CDH13: variants seen among roughly 807,000 people sequenced by gnomAD.
CDH13 encodes cadherin 13.
A neutral mutation model predicts 63.8 loss-of-function variants in CDH13; 24 were observed. The ratio of observed to expected loss-of-function variants is 0.38; its 90% CI spans 0.27 to 0.53. The LOEUF is 0.53. Ranked by LOEUF, CDH13 falls within the 20% of genes least tolerant of loss-of-function variation. CDH13 has a pLI of 0.85. For missense variants in CDH13, 1,049 were observed against 903.1 expected (o/e 1.16, Z -2.07); for synonymous variants, 503 against 355.3 (o/e 1.42, Z -4.67).
intron 2 of CDH13, among the ~76,000 whole-genome samples, chr16:82,929,518 A>G (rs1452169667): frequency 4.6e-5 from 7 of 151,242 alleles, no homozygotes; most frequent in Non-Finnish European, 1.0e-4. Flanking sequence ...TGGGCATGGT[A>G]GTGGGCGCCT....
intron 11 of CDH13, among the ~76,000 whole-genome samples, chr16:83,775,061 G>C (rs1242220769): frequency 6.6e-6 from 1 of 151,872 alleles, no homozygotes; most frequent in Admixed American, 6.7e-5. Flanking sequence ...GTTAAAATGA[G>C]AGCCTGTAAG....
intron 6 of CDH13, among the ~76,000 whole-genome samples, chr16:83,375,081 A>T (rs1415025924): frequency 1.3e-5 from 2 of 152,178 alleles, no homozygotes; most frequent in Non-Finnish European, 2.9e-5. Context: ...AAGTTTCTTT[A>T]ATTCTGTCTG....
At chr16:82,867,481 C>G (rs1019497828) in intron 2 of CDH13, among the ~76,000 whole-genome samples, 2 of 152,152 alleles carry the variant, frequency 1.3e-5, no homozygotes, top group Non-Finnish European at 2.9e-5. Flanking sequence ...TTGTCCATGA[C>G]CCTTAACTCT....
intron 2 of CDH13, among the ~76,000 whole-genome samples, chr16:83,019,091 T>G (rs1369863933): frequency 1.3e-5 from 2 of 152,088 alleles, no homozygotes; most frequent in Non-Finnish European, 2.9e-5. Flanking sequence ...CAATCATAAA[T>G]TAACTTTAGC....
intron 4 of CDH13, among the ~76,000 whole-genome samples, chr16:83,156,732 A>C (rs1426928004): frequency 6.6e-6 from 1 of 151,678 alleles, no homozygotes; most frequent in Non-Finnish European, 1.5e-5. Context: ...TTGCTGAAGG[A>C]CCCTCCCCCA....
rs988868165 is a variant in CDH13, at chr16:82,778,826, C to T, written c.46-79536C>T. On this transcript the variant is annotated intron_variant, in intron 1 of 13. Transcript: ENST00000567109. ...CATGGCAAAGACCACCACCTCCTTC[C>T]TTAATTCCATGGTGGATTTAAAATG... Among the ~76,000 whole-genome samples, 3 of 152,186 alleles carry T rather than the reference C, an allele frequency of 2.0e-5. No individual in the cohort carries two copies. The East Asian group carries it at 5.8e-4, about 29-fold the overall frequency.
intron 3 of CDH13, among the ~76,000 whole-genome samples, chr16:83,115,504 C>A (rs2035249962): frequency 6.6e-6 from 1 of 152,208 alleles, no homozygotes; most frequent in Admixed American, 6.5e-5. Flanking sequence ...GAATAACCCT[C>A]AGGTCCTTGA....
chr16:82,725,645 T>A (rs1296069786), intron 1 of CDH13, among the ~76,000 whole-genome samples: 1 of 152,210 alleles, frequency 6.6e-6, no homozygotes, highest in African/African-American at 2.4e-5. Context: ...TCAACTTTAC[T>A]TGGTGGCTTT....
At chr16:83,339,811 C>A (rs1339402070) in intron 5 of CDH13, among the ~76,000 whole-genome samples, 2 of 152,180 alleles carry the variant, frequency 1.3e-5, no homozygotes, top group African/African-American at 4.8e-5. Context: ...GAGCAGGAAA[C>A]CACTAGCACT....
intron 4 of CDH13, among the ~76,000 whole-genome samples, chr16:83,205,930 G>T (rs1468853287): frequency 6.6e-6 from 1 of 152,098 alleles, no homozygotes; most frequent in Non-Finnish European, 1.5e-5. Context: ...TCAAAATCAT[G>T]AGAGAGAAAC....
chr16:82,713,465 C>T (rs1473263799), intron 1 of CDH13, among the ~76,000 whole-genome samples: 2 of 152,122 alleles, frequency 1.3e-5, no homozygotes, highest in Non-Finnish European at 2.9e-5. Flanking sequence ...CCTGCCTGCC[C>T]CCAGCACTGT....
intron 2 of CDH13, among the ~76,000 whole-genome samples, chr16:82,984,723 C>A (rs545550812): frequency 2.0e-5 from 3 of 152,120 alleles, no homozygotes; most frequent in Admixed American, 1.3e-4. Context: ...CACAACTAAA[C>A]GGGATACAGC....
chr16:83,340,385 G>A (rs1423739287), intron 5 of CDH13, among the ~76,000 whole-genome samples: 1 of 152,094 alleles, frequency 6.6e-6, no homozygotes, highest in Non-Finnish European at 1.5e-5. Context: ...TTCCTGGCCT[G>A]TGTACTTGGG....
intron 1 of CDH13, among the ~76,000 whole-genome samples, chr16:82,700,499 A>G (rs941743058): frequency 6.8e-6 from 1 of 147,228 alleles, no homozygotes; most frequent in Non-Finnish European, 1.5e-5. Flanking sequence ...ATTAAGGAAG[A>G]TACAAGAATT....
chr16:83,249,382 TCTTA>T (rs929341636), intron 5 of CDH13, among the ~76,000 whole-genome samples: 1 of 152,196 alleles, frequency 6.6e-6, no homozygotes, highest in African/African-American at 2.4e-5. Flanking sequence ...CCAAGGATTG[TCTTA>T]CTTCTTCACA....
chr16:83,556,663 G>T (rs1338510693), intron 7 of CDH13, among the ~76,000 whole-genome samples: 7 of 152,082 alleles, frequency 4.6e-5, no homozygotes, highest in Non-Finnish European at 8.8e-5. Flanking sequence ...ACAAATCAAG[G>T]GACCTGGAGA....
intron 10 of CDH13, among the ~76,000 whole-genome samples, chr16:83,743,493 A>G (rs1017331291): frequency 2.0e-5 from 3 of 152,210 alleles, no homozygotes; most frequent in Non-Finnish European, 4.4e-5. Context: ...TGCTAATTGT[A>G]CAACAAAATT....
intron 6 of CDH13, among the ~76,000 whole-genome samples, chr16:83,372,544 G>C (rs144614011): frequency 0.013 from 1,940 of 152,102 alleles, 18 homozygotes; most frequent in African/African-American, 0.02. Context: ...ACGAGGTCAA[G>C]AGATTGAGAC....
chr16:83,780,012 G>C lies in CDH13; in HGVS notation c.1726G>C (p.Glu576Gln). The change falls in exon 12 of 14, where the codon GAG (glutamate) becomes CAG (glutamine). Residue 576 changes from glutamate (E) to glutamine (Q), a missense_variant. Physicochemically the swap from Glu to Gln is conservative, Grantham distance 29. Transcript: ENST00000567109. ...TGTGTLLITL[E>Q]DVNDNAPFIY... Reference sequence around the variant, plus strand: ...CACTGGGACTTTGCTGATAACCCTGGAGGACGTGAATGACAATGCCCCGTT... The same window carrying C: ...CACTGGGACTTTGCTGATAACCCTGCAGGACGTGAATGACAATGCCCCGTT... The C allele has an allele frequency of 1.2e-6, 2 of 1,613,876 alleles. No homozygotes were observed. The highest frequency in any genetic ancestry group is 1.7e-6 in the Non-Finnish European group (2 of 1,179,804).
Sources: gnomAD v4.1 joint callset for allele counts (sites outside exome capture counted in the v4.1 genomes callset) on GRCh38, gnomAD v4.1.1 for gene constraint, MANE v1.5 for transcripts, NCBI Gene and HGNC (gene_info 2026-07-23, HGNC 2026-07-21) for gene names.